ATP2B2: variants seen among roughly 807,000 people sequenced by gnomAD.
ATP2B2 encodes the protein ATPase plasma membrane Ca2+ transporting 2.
A neutral mutation model predicts 120.0 loss-of-function variants in ATP2B2; 15 were observed. The ratio of observed to expected loss-of-function variants is 0.12; its 90% confidence interval spans 0.08 to 0.19. ATP2B2 has a LOEUF of 0.19. Ranked by LOEUF, ATP2B2 falls within the 10% of genes least tolerant of loss-of-function variation. The probability of loss-of-function intolerance (pLI) is 1.00; values close to 1 mark genes in which losing one functional copy is unlikely to be tolerated. For missense variants in ATP2B2, 1,045 were observed against 1,719.8 expected (o/e 0.61, Z 6.94); for synonymous variants, 694 against 700.3 (o/e 0.99, Z 0.14).
intron 1 of ATP2B2, among the ~76,000 whole-genome samples, chr3:10,460,929 T>A (rs929352758): frequency 6.6e-6 from 1 of 152,146 alleles, no homozygotes; most frequent in Non-Finnish European, 1.5e-5. Flanking sequence ...CCCACAGAGG[T>A]GCCAGGGGAT....
intron 1 of ATP2B2, among the ~76,000 whole-genome samples, chr3:10,644,616 A>C (rs1341741489): frequency 6.6e-6 from 1 of 152,242 alleles, no homozygotes; most frequent in Non-Finnish European, 1.5e-5. Flanking sequence ...GCTCCACCTA[A>C]ATGCTAAATG....
chr3:10,452,118 C>T (rs1411728889), intron 1 of ATP2B2, among the ~76,000 whole-genome samples: 7 of 152,242 alleles, frequency 4.6e-5, no homozygotes, highest in Admixed American at 3.3e-4. Flanking sequence ...ATAGACCAAG[C>T]GAATGAGGTT....
In ATP2B2 at chr3:10,359,953, G is replaced by A; in HGVS notation, c.1830C>T (p.Ser610=). 1 of 1,614,260 alleles carries A rather than the reference G, an allele frequency of 6.2e-7. No homozygotes were observed. Among genetic ancestry groups the A allele is most frequent in the Non-Finnish European group, 8.5e-7 (1 of 1,180,044 alleles). ...TCTCGTCGGGCAGCTTGATGACAGTGCTCATGGACTTGCGCACGGAGTTGA... is the reference window on the plus strand; with the variant it reads ...TCTCGTCGGGCAGCTTGATGACAGTACTCATGGACTTGCGCACGGAGTTGA... The part of the protein sequence containing the change: ...YTFNSVRKSM[S]TVIKLPDESF... The change falls in exon 13 of 23, where the codon AGC becomes AGT. Residue 610 remains serine, a synonymous_variant. Transcript: ENST00000360273.
At chr3:10,387,398 A>C (rs1468792214) in intron 6 of ATP2B2, among the ~76,000 whole-genome samples, 1 of 152,212 alleles carries the variant, frequency 6.6e-6, no homozygotes, top group African/African-American at 2.4e-5. Context: ...CCTAAAACTC[A>C]GTGGGGGAGG....
intron 2 of ATP2B2, among the ~76,000 whole-genome samples, chr3:10,423,227 T>TTC (rs2125071625): frequency 6.6e-6 from 1 of 152,344 alleles, no homozygotes; most frequent in Admixed American, 6.5e-5. Flanking sequence ...CCCTGTATTT[T>TTC]TCTTTGTTAA....
At chr3:10,699,646 A>G (rs961243895) in intron 1 of ATP2B2, among the ~76,000 whole-genome samples, 1 of 152,194 alleles carries the variant, frequency 6.6e-6, no homozygotes, top group African/African-American at 2.4e-5. Flanking sequence ...TGTGTTCCCC[A>G]AAGTTCATGC....
rs946031247 is a variant in ATP2B2 at position 10,343,028 on chromosome 3, G to C, written c.2704-63C>G. On this transcript the variant is annotated intron_variant, in intron 18 of 22. Coordinates refer to ENST00000360273, the MANE Select transcript of ATP2B2 (RefSeq NM_001001331.4). This position sits in a 1 kb window ranked among gnomAD's most constrained non-coding sequence, Gnocchi z 4.2. ...CACCTGCTGCTGTGAAGTGCTGGGC[G>C]GGCTCATGGTGTAGTGTCCGCAGGC... 6 of 1,560,844 alleles carry C rather than the reference G, an allele frequency of 3.8e-6. No homozygotes were observed. The highest frequency in any genetic ancestry group is 5.3e-6 in the Non-Finnish European group (6 of 1,136,444).
intron 2 of ATP2B2, among the ~76,000 whole-genome samples, chr3:10,437,901 T>C (rs1385119878): frequency 6.6e-6 from 1 of 152,154 alleles, no homozygotes; most frequent in Non-Finnish European, 1.5e-5. Context: ...CAGATATGCA[T>C]AGTGGGAAGA....
chr3:10,539,223 G>A (rs973491000), intron 2 of ATP2B2, among the ~76,000 whole-genome samples: 1 of 152,090 alleles, frequency 6.6e-6, no homozygotes, highest in Non-Finnish European at 1.5e-5. Context: ...AAATAAAAGA[G>A]GACACCAACA....
At chr3:10,477,883 A>C (rs1427254508) in intron 1 of ATP2B2, among the ~76,000 whole-genome samples, 1 of 152,168 alleles carries the variant, frequency 6.6e-6, no homozygotes, top group Non-Finnish European at 1.5e-5. Context: ...CCTTGCTTTC[A>C]ATTTTTTGGG....
rs1194224983 is a variant in ATP2B2 at position 10,357,944 on chromosome 3, C to T, written c.2136+747G>A. 2.6e-5 allele frequency among the ~76,000 whole-genome samples: 4 copies of T among 152,354 alleles called. No homozygotes were observed. In the South Asian group the frequency reaches 8.3e-4, roughly 32 times the overall value. On this transcript the variant is annotated intron_variant, in intron 14 of 22. Transcript: ENST00000360273. The stretch of plus-strand genomic sequence containing the variant: ...ACCCCGGCAGCTCCAGCACTGAGTT[C>T]TTGGTCTTCCCCCTTCAGGTGCAGA...
intron 2 of ATP2B2, among the ~76,000 whole-genome samples, chr3:10,437,239 A>G (rs2063505490): frequency 3.4e-3 from 1 of 298 alleles, no homozygotes; most frequent in African/African-American, 0.019. Flanking sequence ...CTTAACCTAT[A>G]TAATGATGAT....
At chr3:10,612,350 C>A (rs1486406909) in intron 2 of ATP2B2, among the ~76,000 whole-genome samples, 5 of 152,318 alleles carry the variant, frequency 3.3e-5, no homozygotes, top group African/African-American at 1.2e-4. Flanking sequence ...CTTGCCGAGT[C>A]CAGAGGCCAT....
intron 1 of ATP2B2, among the ~76,000 whole-genome samples, chr3:10,674,610 AT>A (rs2071198226): frequency 6.6e-6 from 1 of 152,210 alleles, no homozygotes; most frequent in African/African-American, 2.4e-5. Context: ...ATTTTTTAAC[AT>A]TTTAGTTCTA....
At chr3:10,490,413 T>TTC in intron 1 of ATP2B2, among the ~76,000 whole-genome samples, 1 of 151,294 alleles carries the variant, frequency 6.6e-6, no homozygotes, top group African/African-American at 2.4e-5. Flanking sequence ...TTTTTTTTTT[T>TTC]TTTTCTCTGA....
intron 2 of ATP2B2, among the ~76,000 whole-genome samples, chr3:10,555,246 C>T (rs1365032694): frequency 6.6e-6 from 1 of 152,264 alleles, no homozygotes; most frequent in African/African-American, 2.4e-5. Context: ...CTGTGTTTCA[C>T]AGCAACTGGC....
chr3:10,354,111 C>G (rs1163854261), intron 14 of ATP2B2, among the ~76,000 whole-genome samples: 1 of 152,222 alleles, frequency 6.6e-6, no homozygotes, highest in Non-Finnish European at 1.5e-5. Flanking sequence ...TGTGTCAAGT[C>G]TTTCCCATCT....
At position 10,386,498 on chromosome 3, in the gene ATP2B2, C is replaced by T. The variant is rs2061684142; in HGVS notation, c.922G>A (p.Asp308Asn). ...KKDKKGVKKG[D>N]GLQLPAADGA... ...ACTGTACCTGGTAGCTGAAGGCCAT[C>T]CCCCTTCTTCACACCTGTGTGATGA... Residue 308 changes from aspartate to asparagine, a missense_variant, in exon 7 of 23, where the codon GAT (aspartate) becomes AAT (asparagine). Around this residue, in one of 11 missense-constraint regions of ATP2B2, gnomAD observed 145 missense variants for 202.0 expected, o/e 0.72. Transcript: ENST00000360273. 6.2e-7 allele frequency: 1 copy of T among 1,614,178 alleles called. No individual in the cohort carries two copies. The highest frequency in any genetic ancestry group is 1.7e-5 in the Admixed American group (1 of 60,032).
intron 2 of ATP2B2, among the ~76,000 whole-genome samples, chr3:10,429,609 G>C (rs935380730): frequency 6.6e-6 from 1 of 152,038 alleles, no homozygotes; most frequent in Non-Finnish European, 1.5e-5. Context: ...CCATCTCCTT[G>C]GGCCTCCCTA....
Sources: gnomAD v4.1 joint callset for allele counts (sites outside exome capture counted in the v4.1 genomes callset) on GRCh38, gnomAD v4.1.1 for gene constraint, gnomAD v4.1.1 regional missense constraint, Gnocchi (gnomAD v3.1) non-coding constraint, MANE v1.5 for transcripts, NCBI Gene and HGNC (gene_info 2026-07-23, HGNC 2026-07-21) for gene names.